NCOA7: variants seen among roughly 807,000 people sequenced by gnomAD.
NCOA7 encodes 140 kDa estrogen receptor-associated protein.
In NCOA7, 45 loss-of-function variants were observed where a neutral mutation model predicts 104.3. The ratio of observed to expected loss-of-function variants is 0.43; its 90% confidence interval spans 0.34 to 0.55. The LOEUF (loss-of-function observed/expected upper bound fraction) is 0.55. Among genes scored for constraint, NCOA7 ranks in the 20% least tolerant of loss-of-function variants. NCOA7 has a pLI of 0.02. For missense variants in NCOA7, 1,041 were observed against 1,119.7 expected (o/e 0.93, Z 1.00); for synonymous variants, 398 against 402.3 (o/e 0.99, Z 0.13).
intron 1 of NCOA7, among the ~76,000 whole-genome samples, chr6:125,814,584 T>A (rs1391637182): frequency 6.6e-6 from 1 of 152,186 alleles, no homozygotes; most frequent in Non-Finnish European, 1.5e-5. Context: ...AATTGGAAAT[T>A]TTTGAGCAGG....
At chr6:125,868,470 G>T (rs141214517) in intron 3 of NCOA7, among the ~76,000 whole-genome samples, 22 of 152,280 alleles carry the variant, frequency 1.4e-4, no homozygotes, top group African/African-American at 5.3e-4. Flanking sequence ...CTAAACCGTT[G>T]CACAAAGATT....
At chr6:125,879,665 C>T (rs1783657385) in intron 5 of NCOA7, among the ~76,000 whole-genome samples, 1 of 152,034 alleles carries the variant, frequency 6.6e-6, no homozygotes, top group Non-Finnish European at 1.5e-5. Context: ...ATATGATTAG[C>T]TCTGAATTCT....
intron 14 of NCOA7, 146 bp from the exon 15 acceptor site, chr6:125,928,028 G>A (rs909968448): frequency 2.4e-5 from 19 of 785,826 alleles, no homozygotes; most frequent in East Asian, 2.5e-5. Flanking sequence ...TCTCATCCTG[G>A]TGTGGGCCAG....
At chr6:125,799,524 C>G (rs1775685529) in intron 1 of NCOA7, among the ~76,000 whole-genome samples, 1 of 151,882 alleles carries the variant, frequency 6.6e-6, no homozygotes, top group East Asian at 1.9e-4. Flanking sequence ...ACTGCAACCT[C>G]CGCCTCCTGG....
intron 1 of NCOA7, among the ~76,000 whole-genome samples, chr6:125,811,278 C>T (rs1423467953): frequency 6.6e-6 from 1 of 152,130 alleles, no homozygotes. Context: ...TATCCCCAGT[C>T]CTGGATTAAT....
intron 1 of NCOA7, chr6:125,797,788 T>G (rs181135236): frequency 1.3e-5 from 2 of 152,342 alleles, no homozygotes; most frequent in Non-Finnish European, 2.9e-5. Flanking sequence ...ATCCCTAGTT[T>G]CCGGTGATTT....
chr6:125,845,944 C>CT (rs35441832), intron 2 of NCOA7, among the ~76,000 whole-genome samples: 8 of 152,014 alleles, frequency 5.3e-5, no homozygotes, highest in African/African-American at 1.7e-4. Context: ...TGTTTTACAT[C>CT]TTTTTTTCAT....
At chr6:125,840,997 A>G (rs647940) in intron 2 of NCOA7, among the ~76,000 whole-genome samples, 57,464 of 146,090 alleles carry the variant, frequency 0.39, 11,674 homozygotes, top group African/African-American at 0.51. Context: ...GGTTCAAATG[A>G]TTCTCCTGCC....
At chr6:125,877,547 C>T (rs1462900655) in intron 4 of NCOA7, among the ~76,000 whole-genome samples, 1 of 152,284 alleles carries the variant, frequency 6.6e-6, no homozygotes, top group South Asian at 2.1e-4. Flanking sequence ...GAGCTGTTTT[C>T]CTGTGAAGTT....
chr6:125,899,903 TCA>T, intron 10 of NCOA7: 1 of 511,446 alleles, frequency 2.0e-6, no homozygotes, highest in Non-Finnish European at 4.1e-6. Flanking sequence ...AGTGAGCTCT[TCA>T]CAGTGCTTTC....
chr6:125,844,511 A>G (rs577090191), intron 2 of NCOA7, among the ~76,000 whole-genome samples: 1 of 152,218 alleles, frequency 6.6e-6, no homozygotes, highest in Non-Finnish European at 1.5e-5. Flanking sequence ...TCTTCAAGTG[A>G]GTTGTTGTTT....
intron 3 of NCOA7, among the ~76,000 whole-genome samples, chr6:125,857,898 CT>C (rs879911857): frequency 2.1e-3 from 295 of 142,790 alleles, no homozygotes; most frequent in Non-Finnish European, 1.7e-3. Context: ...AAAGCGTATG[CT>C]TTTTTTTTTT....
Position 125,885,260 on chromosome 6 carries a change from T to G in NCOA7, c.801T>G (p.Gly267=). 2 of 1,614,046 alleles carry G rather than the reference T, an allele frequency of 1.2e-6. No homozygotes were observed. The highest frequency in any genetic ancestry group is 1.7e-6 in the Non-Finnish European group (2 of 1,179,942). The change falls in exon 8 of 16, where the codon GGT becomes GGG. Residue 267 remains glycine (G), a synonymous_variant. Coordinates refer to ENST00000392477, the MANE Select transcript of NCOA7 (RefSeq NM_181782.5). ...LVIENGCEEY[G]LICPMEEVVS... is the part of the protein sequence containing the mutation. ...TTGAAAATGGGTGTGAGGAGTATGG[T>G]CTCATCTGCCCCATGGAAGAGGTTG...
At chr6:125,783,139 C>G (rs983477896) in intron 1 of NCOA7, among the ~76,000 whole-genome samples, 2 of 152,174 alleles carry the variant, frequency 1.3e-5, no homozygotes, top group Non-Finnish European at 2.9e-5. Flanking sequence ...CTGAGACTTA[C>G]GTTGTACTTC....
rs956011046 is a variant in NCOA7 at position 125,791,586 on chromosome 6, C to G, written c.-65+519C>G. ...CGATGGGGCAAACCCTTACCGTCAA[C>G]ACGTTAGGGCCAATTTAGAGAAGGT... On this transcript the variant is annotated intron_variant, in intron 1 of 15. Coordinates refer to ENST00000392477, the MANE Select transcript of NCOA7 (RefSeq NM_181782.5). 2.0e-5 allele frequency among the ~76,000 whole-genome samples: 3 copies of G among 152,226 alleles called. No individual in the cohort carries two copies. The South Asian group carries it at 6.2e-4, about 31-fold the overall frequency.
In NCOA7 at chr6:125,855,237, A is replaced by G. The variant is rs771407165; in HGVS notation, c.268A>G (p.Ile90Val). The G allele has an allele frequency of 1.3e-6, 2 of 1,599,686 alleles. No homozygotes were observed. The highest frequency in any genetic ancestry group is 1.3e-5 in the African/African-American group (1 of 74,800). ...RRTELKRYYS[I>V]DDNQNKTHDK... ...TACAGAACTAAAGAGATATTATAGT[A>G]TTGGTGAGTATTCATGGCGTTACTG... is the stretch of plus-strand genomic sequence containing the variant. Residue 90 changes from isoleucine to valine, a missense_variant, in exon 3 of 16, where the codon ATT (isoleucine) becomes GTT (valine). Physicochemically the swap from Ile to Val is conservative, Grantham distance 29. This residue lies in a region of NCOA7 where 914 missense variants were observed against 942.7 expected (regional missense o/e 0.97). Coordinates refer to ENST00000392477, the MANE Select transcript of NCOA7 (RefSeq NM_181782.5).
At chr6:125,819,133 A>G (rs1385817579) in intron 2 of NCOA7, among the ~76,000 whole-genome samples, 1 of 152,148 alleles carries the variant, frequency 6.6e-6, no homozygotes, top group Non-Finnish European at 1.5e-5. Context: ...CCTCCTGAGT[A>G]GTTAAATAGC....
At chr6:125,849,536 T>G (rs1399596883) in intron 2 of NCOA7, among the ~76,000 whole-genome samples, 1 of 152,218 alleles carries the variant, frequency 6.6e-6, no homozygotes, top group Non-Finnish European at 1.5e-5. Context: ...GTTCTAAGTC[T>G]TATTCTTTTT....
intron 2 of NCOA7, among the ~76,000 whole-genome samples, chr6:125,841,525 T>G (rs1440425637): frequency 6.6e-6 from 1 of 151,668 alleles, no homozygotes; most frequent in African/African-American, 2.4e-5. Flanking sequence ...CATTGTTGGA[T>G]TTTTTTTTAA....
Sources: gnomAD v4.1 joint callset for allele counts (sites outside exome capture counted in the v4.1 genomes callset) on GRCh38, gnomAD v4.1.1 for gene constraint, gnomAD v4.1.1 regional missense constraint, MANE v1.5 for transcripts, NCBI Gene and HGNC (gene_info 2026-07-23, HGNC 2026-07-21) for gene names.